Variants in MYO3A observed in about 807,000 individuals in gnomAD.
MYO3A encodes myosin IIIA, also known as myosin-IIIa.
Under a neutral mutation model 192.7 loss-of-function variants are expected in MYO3A, and 180 were observed. The ratio of observed to expected loss-of-function variants is 0.93; its 90% CI spans 0.83 to 1.06. The LOEUF (loss-of-function observed/expected upper bound fraction) is 1.06. MYO3A is among the 50% of genes least tolerant of loss of function. The pLI is 0.00. For missense variants in MYO3A, 1,896 were observed against 1,905.0 expected (o/e 1.00, Z 0.09); for synonymous variants, 628 against 645.3 (o/e 0.97, Z 0.41).
chr10:26,025,098 A>G (rs185329724), intron 9 of MYO3A, among the ~76,000 whole-genome samples: 11 of 152,304 alleles, frequency 7.2e-5, no homozygotes, highest in Admixed American at 3.9e-4. Flanking sequence ...CATAGATACA[A>G]TTACTACAGA....
chr10:26,205,870 C>T (rs1033618556), intron 34 of MYO3A, among the ~76,000 whole-genome samples: 14 of 152,004 alleles, frequency 9.2e-5, no homozygotes, highest in African/African-American at 2.7e-4. Flanking sequence ...TTGCCCTCCT[C>T]GGCCTCCCAA....
chr10:26,140,725 T>C (rs1049935875), intron 20 of MYO3A, among the ~76,000 whole-genome samples: 3 of 151,850 alleles, frequency 2.0e-5, no homozygotes, highest in African/African-American at 7.3e-5. Flanking sequence ...GGGACAACTT[T>C]GTCCAGGTGT....
intron 17 of MYO3A, among the ~76,000 whole-genome samples, chr10:26,107,925 CATTT>C (rs2131623451): frequency 6.6e-6 from 1 of 151,844 alleles, no homozygotes; most frequent in South Asian, 2.1e-4. Context: ...TTAATTTATT[CATTT>C]GTTTCTTCTG....
chr10:25,982,760 G>A (rs1839410968), intron 4 of MYO3A, among the ~76,000 whole-genome samples: 1 of 152,172 alleles, frequency 6.6e-6, no homozygotes, highest in Admixed American at 6.5e-5. Context: ...ACCATATCAA[G>A]GGAGCACCCT....
chr10:26,171,221 T>G (rs1477401709), intron 29 of MYO3A, among the ~76,000 whole-genome samples: 1 of 152,146 alleles, frequency 6.6e-6, no homozygotes, highest in Non-Finnish European at 1.5e-5. Context: ...TTTGCCCAAG[T>G]GGTGAAACTT....
chr10:26,131,054 T>C (rs1436008509), intron 20 of MYO3A, among the ~76,000 whole-genome samples: 2 of 152,220 alleles, frequency 1.3e-5, no homozygotes, highest in East Asian at 3.8e-4. Flanking sequence ...CTTACTTTCA[T>C]GAGACTTACA....
intron 28 of MYO3A, 121 bp from the exon 29 acceptor site, chr10:26,170,295 T>C: frequency 9.1e-7 from 1 of 1,093,438 alleles, no homozygotes; most frequent in Non-Finnish European, 1.3e-6. Context: ...CTGTTCTATT[T>C]GGCATTTTAA....
At chr10:26,095,394 AG>A (rs1349204703) in intron 15 of MYO3A, among the ~76,000 whole-genome samples, 1 of 152,186 alleles carries the variant, frequency 6.6e-6, no homozygotes, top group Non-Finnish European at 1.5e-5. Context: ...CTAAAACAGG[AG>A]GAGATCCTAG....
At chr10:26,094,451 G>T (rs1456974412) in intron 15 of MYO3A, among the ~76,000 whole-genome samples, 1 of 129,280 alleles carries the variant, frequency 7.7e-6, no homozygotes, top group Admixed American at 8.5e-5. Flanking sequence ...TTGAGATGGA[G>T]TCTCGCTCTG....
intron 20 of MYO3A, among the ~76,000 whole-genome samples, chr10:26,129,594 A>G (rs1455127030): frequency 1.3e-5 from 2 of 152,298 alleles, no homozygotes; most frequent in South Asian, 2.1e-4. Flanking sequence ...CCTTGAAAGC[A>G]TGTTCAGCAC....
intron 4 of MYO3A, among the ~76,000 whole-genome samples, chr10:25,979,733 A>G (rs1237457696): frequency 1.3e-5 from 2 of 152,116 alleles, no homozygotes; most frequent in East Asian, 1.9e-4. Context: ...TTTCCCTCTA[A>G]TGAGGGGCTT....
At chr10:26,031,425 G>C (rs1250448444) in intron 10 of MYO3A, among the ~76,000 whole-genome samples, 1 of 152,190 alleles carries the variant, frequency 6.6e-6, no homozygotes, top group African/African-American at 2.4e-5. Context: ...GCTTTATGTT[G>C]CTTCCTTGAG....
intron 21 of MYO3A, 121 bp from the exon 22 acceptor site, chr10:26,145,325 A>G (rs1840397024): frequency 1.4e-6 from 1 of 699,046 alleles, no homozygotes; most frequent in East Asian, 2.7e-5. Context: ...ATCTGCATAT[A>G]TTAGCTATGT....
rs112423290 is a variant in MYO3A at position 26,147,176 on chromosome 10, A to G, written c.2506-254A>G. 2.0e-4 allele frequency among the ~76,000 whole-genome samples: 31 copies of G among 152,342 alleles called. 1 individual carries two copies. Among genetic ancestry groups the G allele is most frequent in the African/African-American group, 7.2e-4 (30 of 41,584 alleles). On this transcript the variant is annotated intron_variant, in intron 22 of 34. Transcript: ENST00000642920. Reference sequence around the variant, plus strand: ...ACATACCAAATTCCTAATGTAATAAATGAGAGGAATCAAACCTCTTTGGTC... The same window carrying G: ...ACATACCAAATTCCTAATGTAATAAGTGAGAGGAATCAAACCTCTTTGGTC...
At chr10:26,154,390 G>T (rs1464140929) in intron 24 of MYO3A, among the ~76,000 whole-genome samples, 1 of 152,162 alleles carries the variant, frequency 6.6e-6, no homozygotes, top group Non-Finnish European at 1.5e-5. Flanking sequence ...ATGTTGGCCA[G>T]GCTGGTCTTG....
chr10:26,028,399 G>C (rs1025502193), intron 10 of MYO3A, among the ~76,000 whole-genome samples: 13 of 152,304 alleles, frequency 8.5e-5, no homozygotes, highest in Admixed American at 8.5e-4. Context: ...CCTTGCTGCA[G>C]AGACAGACCT....
intron 2 of MYO3A, among the ~76,000 whole-genome samples, chr10:25,943,396 T>C (rs1836628440): frequency 6.6e-6 from 1 of 152,086 alleles, no homozygotes; most frequent in South Asian, 2.1e-4. Context: ...TTAGGATGTA[T>C]TTATTTCTAT....
chr10:25,963,557 A>G (rs1028041432), intron 4 of MYO3A, among the ~76,000 whole-genome samples: 1 of 152,198 alleles, frequency 6.6e-6, no homozygotes, highest in Non-Finnish European at 1.5e-5. Flanking sequence ...CAGGAGAAAC[A>G]GGGCAGGAGT....
chr10:26,124,125 G>A (rs1196800341), intron 18 of MYO3A, among the ~76,000 whole-genome samples: 1 of 149,072 alleles, frequency 6.7e-6, no homozygotes, highest in South Asian at 2.1e-4. Context: ...GGAGTTTGAG[G>A]CTGCAGTGAG....
Sources: allele counts gnomAD v4.1 joint callset (sites outside exome capture counted in the v4.1 genomes callset), GRCh38; gene constraint gnomAD v4.1.1; transcripts MANE v1.5; gene names NCBI Gene and HGNC (gene_info 2026-07-23, HGNC 2026-07-21).